WLS: variants seen among roughly 807,000 people sequenced by gnomAD.
WLS encodes Wnt ligand secretion mediator.
In WLS, 23 loss-of-function variants were observed where a neutral mutation model predicts 62.8. The ratio of observed to expected loss-of-function variants is 0.37; its 90% CI spans 0.26 to 0.52. The LOEUF (loss-of-function observed/expected upper bound fraction) is 0.52. Among genes scored for constraint, WLS ranks in the 20% least tolerant of loss-of-function variants. The probability of loss-of-function intolerance (pLI) is 0.92; values close to 1 mark genes in which losing one functional copy is unlikely to be tolerated. For missense variants in WLS, 615 were observed against 697.3 expected, an observed-to-expected ratio of 0.88 and a Z score of 1.33; for synonymous variants, 246 against 244.1, an observed-to-expected ratio of 1.01 and a Z score of -0.07.
chr1:68,116,202 TC>T (rs1456001738), intron 11 of WLS, among the ~76,000 whole-genome samples: 13 of 152,280 alleles, frequency 8.5e-5, no homozygotes, highest in African/African-American at 3.1e-4. Flanking sequence ...GCCTTTGGCT[TC>T]CTTGACCCTC....
intron 10 of WLS, among the ~76,000 whole-genome samples, chr1:68,138,802 A>T (rs1040898926): frequency 6.6e-6 from 1 of 152,222 alleles, no homozygotes; most frequent in Non-Finnish European, 1.5e-5. Context: ...GGGACACTTA[A>T]AATGGAAATA....
At chr1:68,103,042 T>A (rs2100295009) in intron 11 of WLS, among the ~76,000 whole-genome samples, 2 of 152,354 alleles carry the variant, frequency 1.3e-5, no homozygotes, top group South Asian at 4.1e-4. Context: ...CTGTTCTGTA[T>A]CTGACCCCAG....
intron 5 of WLS, among the ~76,000 whole-genome samples, chr1:68,150,644 C>T (rs1244769920): frequency 6.6e-6 from 1 of 152,126 alleles, no homozygotes; most frequent in Non-Finnish European, 1.5e-5. Context: ...TGTTTGTGTC[C>T]CCTTGCCTTC....
intron 1 of WLS, chr1:68,231,855 AGC>A (rs1245469028): frequency 6.5e-6 from 1 of 153,010 alleles, no homozygotes. Flanking sequence ...CGCGGGAAAA[AGC>A]GGGGGGGGGG....
At chr1:68,164,913 C>G (rs1294243483) in intron 2 of WLS, among the ~76,000 whole-genome samples, 2 of 152,138 alleles carry the variant, frequency 1.3e-5, no homozygotes, top group African/African-American at 4.8e-5. Flanking sequence ...CTGTGCCACT[C>G]CCAGCTTGGC....
intron 11 of WLS, 36 bp from the exon 12 acceptor site, chr1:68,126,371 G>GAGGA: frequency 6.2e-7 from 1 of 1,612,822 alleles, no homozygotes; most frequent in South Asian, 1.1e-5. Context: ...TGCATTCAAG[G>GAGGA]AGGAAGGAGA....
intron 4 of WLS, among the ~76,000 whole-genome samples, chr1:68,154,416 T>C (rs1045662344): frequency 2.0e-5 from 3 of 152,208 alleles, no homozygotes; most frequent in Non-Finnish European, 4.4e-5. Flanking sequence ...TATAAAATGC[T>C]AATCAATATT....
At chr1:68,114,075 CATTCCCGG>C (rs1390494821) in intron 11 of WLS, among the ~76,000 whole-genome samples, 2 of 152,214 alleles carry the variant, frequency 1.3e-5, no homozygotes, top group Non-Finnish European at 2.9e-5. Context: ...GACCTTCTGG[CATTCCCGG>C]ATTCAACTTT....
intron 5 of WLS, 124 bp downstream of exon 5, chr1:68,153,393 T>C: frequency 7.4e-7 from 1 of 1,346,488 alleles, no homozygotes; most frequent in Non-Finnish European, 1.0e-6. Context: ...CCAGGATGAC[T>C]CCTGGTCAAA....
chr1:68,214,470 T>G (rs187968627), intron 1 of WLS, among the ~76,000 whole-genome samples: 35 of 152,196 alleles, frequency 2.3e-4, no homozygotes, highest in East Asian at 9.7e-4. Flanking sequence ...TTTCAAGTGA[T>G]TCTCCTGCCT....
At chr1:68,193,024 A>T (rs949543678) in intron 2 of WLS, among the ~76,000 whole-genome samples, 1 of 150,550 alleles carries the variant, frequency 6.6e-6, no homozygotes, top group Non-Finnish European at 1.5e-5. Context: ...CAGGAGAATC[A>T]CTTGAACGCG....
chr1:68,226,554 A>G (rs1281827558), intron 1 of WLS, among the ~76,000 whole-genome samples: 2 of 152,194 alleles, frequency 1.3e-5, no homozygotes, highest in Non-Finnish European at 2.9e-5. Context: ...AATTTCATAC[A>G]TTCTCGAATT....
At chr1:68,190,902 A>G (rs1648258112) in intron 2 of WLS, among the ~76,000 whole-genome samples, 1 of 152,142 alleles carries the variant, frequency 6.6e-6, no homozygotes, top group African/African-American at 2.4e-5. Flanking sequence ...TACTAAAAAT[A>G]CAAAAATTAG....
At chr1:68,195,056 G>C (rs1313783127) in intron 1 of WLS, among the ~76,000 whole-genome samples, 1 of 152,188 alleles carries the variant, frequency 6.6e-6, no homozygotes, top group Non-Finnish European at 1.5e-5. Flanking sequence ...AATGCCATCT[G>C]TCTTTTCTAT....
intron 11 of WLS, among the ~76,000 whole-genome samples, chr1:68,106,521 A>G (rs1387249844): frequency 2.6e-5 from 4 of 152,200 alleles, no homozygotes; most frequent in African/African-American, 9.7e-5. Flanking sequence ...GGGAAAGTAT[A>G]CGGTTATTGG....
chr1:68,162,782 T>A, intron 2 of WLS: 1 of 1,103,884 alleles, frequency 9.1e-7, no homozygotes, highest in Non-Finnish European at 1.4e-6. Flanking sequence ...CCACTGCCTA[T>A]CTGCACGATC....
chr1:68,166,468 T>C (rs754198676), intron 2 of WLS, among the ~76,000 whole-genome samples: 1 of 152,220 alleles, frequency 6.6e-6, no homozygotes, highest in Non-Finnish European at 1.5e-5. Context: ...CAAGAACATA[T>C]GGCTAGTAAA....
intron 6 of WLS, among the ~76,000 whole-genome samples, chr1:68,149,520 T>G (rs1445141348): frequency 6.6e-6 from 1 of 152,152 alleles, no homozygotes; most frequent in Non-Finnish European, 1.5e-5. Context: ...TTAAAAACAG[T>G]CCACTCTGCT....
intron 1 of WLS, among the ~76,000 whole-genome samples, chr1:68,198,351 A>G (rs934164734): frequency 1.3e-5 from 2 of 152,198 alleles, no homozygotes; most frequent in African/African-American, 4.8e-5. Context: ...TTACTTTATC[A>G]AACATGACCA....
Sources: gnomAD v4.1 joint callset for allele counts (sites outside exome capture counted in the v4.1 genomes callset) on GRCh38, gnomAD v4.1.1 for gene constraint, MANE v1.5 for transcripts, NCBI Gene and HGNC (gene_info 2026-07-23, HGNC 2026-07-21) for gene names.